SP100: variants seen among roughly 807,000 people sequenced by gnomAD.
SP100 encodes SP100 nuclear body protein, also known as nuclear autoantigen Sp-100.
In SP100, 84 loss-of-function variants were observed where a neutral mutation model predicts 130.0. That is an observed-to-expected ratio of 0.65 (90% CI 0.54 to 0.77). The LOEUF (loss-of-function observed/expected upper bound fraction) is 0.77, where lower values mean the gene tolerates loss of function less well. Among genes scored for constraint, SP100 ranks in the 30% least tolerant of loss-of-function variants. The pLI is 0.00. For synonymous variants in SP100, 331 were observed against 351.7 expected (o/e 0.94, Z 0.66); for missense variants, 978 against 1,052.2 (o/e 0.93, Z 0.97).
chr2:230,512,469 T>C (rs1690671130), intron 24 of SP100, among the ~76,000 whole-genome samples: 1 of 151,584 alleles, frequency 6.6e-6, no homozygotes, highest in South Asian at 2.1e-4. Flanking sequence ...TTTGTATTTT[T>C]AGTAGAGACA....
At chr2:230,455,033 C>T (rs1486864367) in intron 8 of SP100, among the ~76,000 whole-genome samples, 1 of 151,906 alleles carries the variant, frequency 6.6e-6, no homozygotes, top group East Asian at 1.9e-4. Context: ...TACATAATGA[C>T]CTTCTTATTT....
At chr2:230,449,761 T>C (rs766602975) in intron 7 of SP100, 51 bp downstream of exon 7, 25 of 1,599,508 alleles carry the variant, frequency 1.6e-5, no homozygotes, top group Middle Eastern at 3.3e-4. Context: ...GGGCCCTGGC[T>C]GGTGGCAGAG....
intron 18 of SP100, among the ~76,000 whole-genome samples, chr2:230,494,911 C>A (rs928307723): frequency 6.6e-6 from 1 of 152,186 alleles, no homozygotes; most frequent in African/African-American, 2.4e-5. Flanking sequence ...GCCGGGCAGT[C>A]CTTGGTTCAG....
intron 24 of SP100, among the ~76,000 whole-genome samples, chr2:230,524,373 A>AAAAAG (rs1244050885): frequency 6.8e-6 from 1 of 146,716 alleles, no homozygotes; most frequent in Non-Finnish European, 1.5e-5. Context: ...AAAAAAAAAG[A>AAAAAG]AAAAGAAAAG....
intron 18 of SP100, among the ~76,000 whole-genome samples, chr2:230,497,478 GGAGGGGAGGGGAGGAGAGGA>G (rs2066733484): frequency 1.5e-5 from 1 of 68,728 alleles, no homozygotes. Flanking sequence ...GGAGGGGAGG[GGAGGGGAGGGGAGGAGAGGA>G]GAGGAGAGGA....
At chr2:230,423,086 A>G (rs2062817746) in intron 2 of SP100, among the ~76,000 whole-genome samples, 1 of 152,224 alleles carries the variant, frequency 6.6e-6, no homozygotes. Context: ...TCCTTGAAAG[A>G]TTGCAGAAAA....
At chr2:230,416,719 C>T in intron 1 of SP100, 2 of 1,002,784 alleles carry the variant, frequency 2.0e-6, no homozygotes, top group Non-Finnish European at 2.4e-6. Context: ...AGAAAATAAA[C>T]ACTCCAGGGT....
rs1482338968 is a variant in SP100, at chr2:230,446,883, C to A, written c.504C>A (p.Leu168=). Residue 168 remains leucine (L), a synonymous_variant, in exon 5 of 29, where the codon CTC becomes CTA. Transcript: ENST00000340126. ...EEEEREERSG[L]QLSLEQGTGE... Reference sequence around the variant, plus strand: ...AAGAGAGGGAGGAGAGGTCTGGCCTCCAACTAAGTCTTGAACAAGGTAAAA... The same window carrying A: ...AAGAGAGGGAGGAGAGGTCTGGCCTACAACTAAGTCTTGAACAAGGTAAAA... The A allele has an allele frequency of 1.9e-6, 3 of 1,609,170 alleles. No homozygotes were observed. The highest frequency in any genetic ancestry group is 2.2e-5 in the East Asian group (1 of 44,766).
chr2:230,432,701 CTTA>C (rs2063135278), intron 2 of SP100, among the ~76,000 whole-genome samples: 1 of 152,002 alleles, frequency 6.6e-6, no homozygotes, highest in Non-Finnish European at 1.5e-5. Context: ...GGCTTGTCTT[CTTA>C]TTGAGTTGTC....
intron 8 of SP100, among the ~76,000 whole-genome samples, chr2:230,451,025 G>T (rs1235809814): frequency 6.6e-6 from 1 of 152,122 alleles, no homozygotes; most frequent in African/African-American, 2.4e-5. Flanking sequence ...TTTACAATGG[G>T]TTTATTGAAG....
chr2:230,533,422 C>G, intron 24 of SP100, among the ~76,000 whole-genome samples: 1 of 152,296 alleles, frequency 6.6e-6, no homozygotes, highest in South Asian at 2.1e-4. Context: ...GACACTAAAT[C>G]ACAGTGTTTG....
At chr2:230,424,134 A>T (rs1164257245) in intron 2 of SP100, among the ~76,000 whole-genome samples, 4 of 152,138 alleles carry the variant, frequency 2.6e-5, no homozygotes, top group Non-Finnish European at 4.4e-5. Flanking sequence ...TTCCCTGTAA[A>T]ATGACGGTAT....
chr2:230,446,944 G>A (rs762529784), intron 5 of SP100, 42 bp downstream of exon 5: 2 of 1,198,340 alleles, frequency 1.7e-6, no homozygotes, highest in East Asian at 4.9e-5. Flanking sequence ...AGAGAGGTTA[G>A]GGATCCAAGG....
At chr2:230,510,788 C>A in intron 23 of SP100, 1 of 356,512 alleles carries the variant, frequency 2.8e-6, no homozygotes, top group South Asian at 2.6e-5. Flanking sequence ...AGCCACTGCA[C>A]CTGGACACTT....
At chr2:230,521,408 A>AC (rs912709564) in intron 24 of SP100, among the ~76,000 whole-genome samples, 1 of 152,038 alleles carries the variant, frequency 6.6e-6, no homozygotes. Context: ...CAGGTAACTG[A>AC]CCCCCGGTGC....
chr2:230,523,875 C>T (rs1197452650), intron 24 of SP100, among the ~76,000 whole-genome samples: 1 of 151,766 alleles, frequency 6.6e-6, no homozygotes, highest in African/African-American at 2.4e-5. Context: ...TGCCATTGCA[C>T]TGTAGCCTAA....
intron 17 of SP100, among the ~76,000 whole-genome samples, chr2:230,491,514 G>C (rs887056915): frequency 1.3e-5 from 2 of 152,204 alleles, no homozygotes; most frequent in African/African-American, 2.4e-5. Flanking sequence ...CAGCCTCCCT[G>C]GCTCCAGCAG....
At chr2:230,492,440 G>T (rs1360057291) in intron 17 of SP100, among the ~76,000 whole-genome samples, 1 of 152,062 alleles carries the variant, frequency 6.6e-6, no homozygotes. Context: ...GAGTAGTTAG[G>T]ACTACAGGTG....
At chr2:230,470,284 CAGAA>C in intron 15 of SP100, 186 bp downstream of exon 15, 1 of 1,317,778 alleles carries the variant, frequency 7.6e-7, no homozygotes, top group Non-Finnish European at 9.8e-7. Flanking sequence ...TCATGTTTAA[CAGAA>C]AGAGTTTCAC....
Sources: gnomAD v4.1 joint callset for allele counts (sites outside exome capture counted in the v4.1 genomes callset) on GRCh38, gnomAD v4.1.1 for gene constraint, MANE v1.5 for transcripts, NCBI Gene and HGNC (gene_info 2026-07-23, HGNC 2026-07-21) for gene names.